Variants in SGCD observed in about 807,000 individuals in gnomAD.
SGCD encodes the protein delta-sarcoglycan.
SGCD carries 18 observed loss-of-function variants against 36.6 expected under a neutral mutation model. The ratio of observed to expected loss-of-function variants is 0.49; its 90% CI spans 0.34 to 0.73. SGCD has a LOEUF of 0.73. Among genes scored for constraint, SGCD ranks in the 30% least tolerant of loss-of-function variants. SGCD has a pLI of 0.01. For missense variants in SGCD, 387 were observed against 346.7 expected, an observed-to-expected ratio of 1.12 and a Z score of -0.92; for synonymous variants, 133 against 130.6, an observed-to-expected ratio of 1.02 and a Z score of -0.12.
intron 4 of SGCD, among the ~76,000 whole-genome samples, chr5:156,516,087 C>A (rs892008812): frequency 1.3e-4 from 20 of 152,218 alleles, no homozygotes; most frequent in Non-Finnish European, 2.8e-4. Flanking sequence ...GTCTTTCCTG[C>A]CTGCTGGCTC....
chr5:155,810,897 A>C, the SGCD span, among the ~76,000 whole-genome samples: 9 of 111,942 alleles, frequency 8.0e-5, no homozygotes, highest in African/African-American at 3.2e-4. Flanking sequence ...GGCTCACTGC[A>C]AGCTCCGCCT....
intron 1 of SGCD, among the ~76,000 whole-genome samples, chr5:156,065,474 C>G (rs1760320967): frequency 9.3e-6 from 1 of 107,808 alleles, no homozygotes; most frequent in African/African-American, 4.5e-5. Context: ...GAGCTGAGTT[C>G]AATTCCTGGG....
chr5:156,460,945 A>G (rs1754458961), intron 3 of SGCD, among the ~76,000 whole-genome samples: 1 of 152,208 alleles, frequency 6.6e-6, no homozygotes, highest in Non-Finnish European at 1.5e-5. Flanking sequence ...TGATTTGGCC[A>G]CAGAAATAAT....
chr5:156,622,908 A>G (rs1762310109), intron 6 of SGCD, among the ~76,000 whole-genome samples: 1 of 152,132 alleles, frequency 6.6e-6, no homozygotes, highest in Non-Finnish European at 1.5e-5. Context: ...TCAGGGGAGA[A>G]TGACGGGAGC....
intron 1 of SGCD, among the ~76,000 whole-genome samples, chr5:156,110,325 T>C (rs549606401): frequency 6.6e-6 from 1 of 152,346 alleles, no homozygotes; most frequent in South Asian, 2.1e-4. Context: ...TTACCTTTAA[T>C]TTTGTTTTGC....
intron 3 of SGCD, among the ~76,000 whole-genome samples, chr5:156,159,623 T>A (rs1763043381): frequency 6.6e-6 from 1 of 151,634 alleles, no homozygotes; most frequent in African/African-American, 2.4e-5. Context: ...ATTACTTCTG[T>A]TAACTACAGC....
intron 3 of SGCD, among the ~76,000 whole-genome samples, chr5:156,146,777 G>A (rs989433999): frequency 3.9e-5 from 6 of 152,308 alleles, no homozygotes; most frequent in African/African-American, 1.2e-4. Flanking sequence ...TACAGAGCCA[G>A]CTAATTTAGT....
At chr5:156,239,399 C>CAAAAAA (rs34839655) in intron 3 of SGCD, among the ~76,000 whole-genome samples, 103 of 72,498 alleles carry the variant, frequency 1.4e-3, no homozygotes, top group African/African-American at 2.1e-3. Context: ...GATTTCATCT[C>CAAAAAA]AAAAAAAAAA....
intron 3 of SGCD, among the ~76,000 whole-genome samples, chr5:156,156,532 G>A (rs1401547676): frequency 2.6e-5 from 4 of 151,524 alleles, no homozygotes; most frequent in Non-Finnish European, 4.4e-5. Flanking sequence ...ACTGAGGCAG[G>A]AGAATCGCTT....
intron 7 of SGCD, among the ~76,000 whole-genome samples, chr5:156,691,608 G>A (rs1254918997): frequency 6.6e-6 from 1 of 152,190 alleles, no homozygotes; most frequent in Non-Finnish European, 1.5e-5. Flanking sequence ...TTTATGGACA[G>A]TGATAATCAG....
chr5:156,181,225 A>G (rs1270464360), intron 3 of SGCD, among the ~76,000 whole-genome samples: 1 of 152,186 alleles, frequency 6.6e-6, no homozygotes, highest in East Asian at 1.9e-4. Context: ...AAATAGCATC[A>G]GAAAACATCT....
At chr5:156,208,579 T>A (rs1764351991) in intron 3 of SGCD, among the ~76,000 whole-genome samples, 1 of 152,232 alleles carries the variant, frequency 6.6e-6, no homozygotes, top group Non-Finnish European at 1.5e-5. Context: ...TTGACTGCAC[T>A]GCTTGAGGAA....
intron 3 of SGCD, among the ~76,000 whole-genome samples, chr5:156,314,119 T>A (rs915133998): frequency 4.6e-5 from 7 of 150,790 alleles, no homozygotes; most frequent in African/African-American, 1.7e-4. Context: ...AAAAAGCCAG[T>A]TTAGTCAAAA....
chr5:156,474,479 AT>A (rs1755099574), intron 3 of SGCD, among the ~76,000 whole-genome samples: 1 of 152,070 alleles, frequency 6.6e-6, no homozygotes, highest in African/African-American at 2.4e-5. Flanking sequence ...AGCTTGTCTC[AT>A]TTCTTTGACA....
intron 3 of SGCD, among the ~76,000 whole-genome samples, chr5:156,463,407 T>C (rs1581030243): frequency 6.6e-6 from 1 of 152,282 alleles, no homozygotes; most frequent in African/African-American, 2.4e-5. Context: ...AGCAGACGTA[T>C]AGTCTTGGCT....
intron 7 of SGCD, among the ~76,000 whole-genome samples, chr5:156,735,319 A>G (rs1425147350): frequency 6.6e-6 from 1 of 152,120 alleles, no homozygotes; most frequent in Non-Finnish European, 1.5e-5. Context: ...TGGACTCTCC[A>G]AAGCCCAAAG....
chr5:156,753,092 G>A (rs760142152), intron 7 of SGCD, among the ~76,000 whole-genome samples: 2 of 152,154 alleles, frequency 1.3e-5, no homozygotes, highest in Non-Finnish European at 2.9e-5. Context: ...TTACAAATGT[G>A]GATGTGTGGG....
intron 3 of SGCD, among the ~76,000 whole-genome samples, chr5:156,190,850 C>T (rs1472712346): frequency 6.6e-6 from 1 of 152,006 alleles, no homozygotes; most frequent in Non-Finnish European, 1.5e-5. Context: ...GAGTAGTTAC[C>T]TGCTATTAAC....
chr5:155,946,128 A>C (rs2113420567), intron 1 of SGCD, among the ~76,000 whole-genome samples: 1 of 152,306 alleles, frequency 6.6e-6, no homozygotes, highest in South Asian at 2.1e-4. Context: ...CACTGGGGTA[A>C]GAAATGCTGG....
Sources: gnomAD v4.1 joint callset for allele counts (sites outside exome capture counted in the v4.1 genomes callset) on GRCh38, gnomAD v4.1.1 for gene constraint, MANE v1.5 for transcripts, NCBI Gene and HGNC (gene_info 2026-07-23, HGNC 2026-07-21) for gene names.